CPNE8: variants seen among roughly 807,000 people sequenced by gnomAD.
The protein encoded by CPNE8 is copine 8, also known as copine-8.
A neutral mutation model predicts 81.5 loss-of-function variants in CPNE8; 45 were observed. The ratio of observed to expected loss-of-function variants is 0.55; its 90% confidence interval spans 0.44 to 0.71. The LOEUF is 0.71. CPNE8 is among the 30% of genes least tolerant of loss of function. CPNE8 has a pLI of 0.00. For synonymous variants in CPNE8, 252 were observed against 226.3 expected, an observed-to-expected ratio of 1.11 and a Z score of -1.02; for missense variants, 594 against 672.1, an observed-to-expected ratio of 0.88 and a Z score of 1.28.
At position 38,684,990 on chromosome 12, in the gene CPNE8, T is replaced by C. The variant is rs1284488802; in HGVS notation, c.1271+500A>G. Among the ~76,000 whole-genome samples, 3 of 152,320 alleles carry C rather than the reference T, an allele frequency of 2.0e-5. No individual in the cohort carries two copies. The East Asian group carries it at 5.8e-4, about 29-fold the overall frequency. Reference sequence around the variant, plus strand: ...ATTCTGATCTCAGTACTATGTACCATATACAGGTAGAGCTCTGGGAATTTA... The same window carrying C: ...ATTCTGATCTCAGTACTATGTACCACATACAGGTAGAGCTCTGGGAATTTA... On this transcript the variant is annotated intron_variant, in intron 16 of 19. Transcript: ENST00000331366.
At chr12:38,657,524 G>A (rs1336914050) in intron 19 of CPNE8, among the ~76,000 whole-genome samples, 1 of 145,560 alleles carries the variant, frequency 6.9e-6, no homozygotes, top group African/African-American at 2.4e-5. Flanking sequence ...AGAGAGCAGT[G>A]GTTCTCCCAG....
At chr12:38,688,639 C>T (rs534336524) in intron 15 of CPNE8, among the ~76,000 whole-genome samples, 1 of 151,712 alleles carries the variant, frequency 6.6e-6, no homozygotes, top group African/African-American at 2.4e-5. Context: ...CAATTCTACT[C>T]AACCATAAAA....
At chr12:38,861,856 T>C (rs1943840974) in intron 3 of CPNE8, among the ~76,000 whole-genome samples, 1 of 152,102 alleles carries the variant, frequency 6.6e-6, no homozygotes. Flanking sequence ...TATTGACATA[T>C]AGAGTAGTGG....
chr12:38,738,196 A>AAAG (rs10686654), intron 10 of CPNE8, among the ~76,000 whole-genome samples: 122,450 of 151,906 alleles, frequency 0.81, 52,326 homozygotes, highest in Middle Eastern at 0.97. Flanking sequence ...GGTAAGTCAC[A>AAAG]AAGAGGAGAT....
At chr12:38,801,039 C>T (rs1192385517) in intron 6 of CPNE8, among the ~76,000 whole-genome samples, 1 of 149,518 alleles carries the variant, frequency 6.7e-6, no homozygotes, top group Non-Finnish European at 1.5e-5. Context: ...GATTGGTGTA[C>T]CTGAAAGTGA....
chr12:38,805,861 G>C (rs1942788197), intron 6 of CPNE8, among the ~76,000 whole-genome samples: 1 of 149,366 alleles, frequency 6.7e-6, no homozygotes, highest in South Asian at 2.2e-4. Flanking sequence ...CCACTAGCAA[G>C]ACTAATAAAG....
intron 10 of CPNE8, 143 bp downstream of exon 10, chr12:38,760,704 T>G (rs1941555566): frequency 1.5e-6 from 1 of 668,296 alleles, no homozygotes. Context: ...ATTTTAAAAT[T>G]TCATGTAAAT....
chr12:38,802,197 G>C (rs1213101226), intron 6 of CPNE8, among the ~76,000 whole-genome samples: 8 of 28,608 alleles, frequency 2.8e-4, no homozygotes, highest in African/African-American at 4.6e-4. Context: ...CAAATCAACA[G>C]AATATACATT....
chr12:38,814,206 TAGG>T (rs1453302354), intron 6 of CPNE8, among the ~76,000 whole-genome samples: 2 of 151,274 alleles, frequency 1.3e-5, no homozygotes, highest in African/African-American at 2.4e-5. Flanking sequence ...TGCAACTGCT[TAGG>T]AGAAGAGGAG....
chr12:38,829,439 A>G lies in CPNE8; in HGVS notation c.347T>C (p.Val116Ala), dbSNP rs754430423. The G allele has an allele frequency of 6.8e-6, 11 of 1,612,678 alleles. No individual in the cohort carries two copies. Among genetic ancestry groups the G allele is most frequent in the Non-Finnish European group, 9.3e-6 (11 of 1,178,824 alleles). Reference protein sequence around the residue: ...NLSKHDFLGQVFCTLGEIVGS... With the variant: ...NLSKHDFLGQAFCTLGEIVGS... ...AACGATCTCTCCCAATGTACAAAACACTTGTCCCAGAAAGTCCTGAAATAG... is the reference window on the plus strand; with the variant it reads ...AACGATCTCTCCCAATGTACAAAACGCTTGTCCCAGAAAGTCCTGAAATAG... Residue 116 changes from valine to alanine, a missense_variant, in exon 6 of 20, where the codon GTG (valine) becomes GCG (alanine). Physicochemically the swap from Val to Ala is moderately conservative, Grantham distance 64. Coordinates refer to ENST00000331366, the MANE Select transcript of CPNE8 (RefSeq NM_153634.3).
At chr12:38,711,318 T>C (rs998760263) in intron 13 of CPNE8, among the ~76,000 whole-genome samples, 2 of 152,222 alleles carry the variant, frequency 1.3e-5, no homozygotes, top group Non-Finnish European at 2.9e-5. Flanking sequence ...AGATTAGTGC[T>C]AGTCCTGACG....
chr12:38,664,765 A>G (rs1178183395), intron 19 of CPNE8, among the ~76,000 whole-genome samples: 1 of 152,170 alleles, frequency 6.6e-6, no homozygotes. Context: ...TAGGTAAAAA[A>G]GAAATCCTCA....
intron 13 of CPNE8, among the ~76,000 whole-genome samples, chr12:38,721,478 C>A (rs181937623): frequency 9.6e-4 from 146 of 152,318 alleles, no homozygotes; most frequent in Non-Finnish European, 1.2e-3. Flanking sequence ...AAAGGAGCTA[C>A]CCCCTGAGGG....
At chr12:38,736,622 C>T (rs1005711284) in intron 10 of CPNE8, among the ~76,000 whole-genome samples, 6 of 151,940 alleles carry the variant, frequency 3.9e-5, no homozygotes, top group Non-Finnish European at 5.9e-5. Flanking sequence ...TTTAACTCCA[C>T]ATGAAGTATA....
intron 8 of CPNE8, among the ~76,000 whole-genome samples, chr12:38,762,744 A>G (rs1941597697): frequency 6.6e-6 from 1 of 152,194 alleles, no homozygotes; most frequent in African/African-American, 2.4e-5. Flanking sequence ...TTTTACTTTT[A>G]ATTTTTGTTT....
At chr12:38,751,812 T>C (rs1358376070) in intron 10 of CPNE8, among the ~76,000 whole-genome samples, 1 of 152,222 alleles carries the variant, frequency 6.6e-6, no homozygotes, top group Non-Finnish European at 1.5e-5. Flanking sequence ...TCCTATTTTG[T>C]CTAATTCACA....
At position 38,767,526 on chromosome 12, in the gene CPNE8, C is replaced by A. The variant is rs887743087; in HGVS notation, c.575+109G>T. 4.7e-6 allele frequency: 3 copies of A among 631,682 alleles called. No homozygotes were observed. In the African/African-American group the frequency reaches 5.8e-5, roughly 12 times the overall value. The allele number at this position is 631,682 out of a possible 1,614,324, so 39.1% of individuals were successfully genotyped here. A position where few individuals can be genotyped will look rare whatever the true frequency, so the allele number is the denominator to read the frequency against. On this transcript the variant is annotated intron_variant, in intron 8 of 19. Coordinates refer to ENST00000331366, the MANE Select transcript of CPNE8 (RefSeq NM_153634.3). ...AAAATCATATCAATTTTTAAAATCTCAAACTATTTTACTTCATTTATCAAT... is the reference window on the plus strand; with the variant it reads ...AAAATCATATCAATTTTTAAAATCTAAAACTATTTTACTTCATTTATCAAT...
At chr12:38,757,338 C>T (rs1399297027) in intron 10 of CPNE8, among the ~76,000 whole-genome samples, 1 of 151,808 alleles carries the variant, frequency 6.6e-6, no homozygotes, top group African/African-American at 2.4e-5. Context: ...AAAAAATCTA[C>T]ATTGGGCAAT....
At chr12:38,790,506 T>G (rs556255447) in intron 6 of CPNE8, among the ~76,000 whole-genome samples, 2 of 151,734 alleles carry the variant, frequency 1.3e-5, no homozygotes, top group African/African-American at 2.4e-5. Context: ...AAACAATAGT[T>G]AGAAATAACG....
Sources: allele counts gnomAD v4.1 joint callset (sites outside exome capture counted in the v4.1 genomes callset), GRCh38; gene constraint gnomAD v4.1.1; transcripts MANE v1.5; gene names NCBI Gene and HGNC (gene_info 2026-07-23, HGNC 2026-07-21).